Variants in NRG3 observed in about 807,000 individuals in gnomAD.
The protein encoded by NRG3 is neuregulin 3.
NRG3 carries 31 observed loss-of-function variants against 66.9 expected under a neutral mutation model. That is an observed-to-expected ratio of 0.46 (90% CI 0.35 to 0.63). The LOEUF (loss-of-function observed/expected upper bound fraction) is 0.63. Ranked by LOEUF, NRG3 falls within the 20% of genes least tolerant of loss-of-function variation. The probability of loss-of-function intolerance (pLI) is 0.00; values close to 1 mark genes in which losing one functional copy is unlikely to be tolerated. For missense variants in NRG3, 910 were observed against 878.9 expected, an observed-to-expected ratio of 1.04 and a Z score of -0.45; for synonymous variants, 393 against 359.4, an observed-to-expected ratio of 1.09 and a Z score of -1.06.
At chr10:82,731,466 T>C (rs1278637017) in intron 2 of NRG3, among the ~76,000 whole-genome samples, 1 of 152,218 alleles carries the variant, frequency 6.6e-6, no homozygotes, top group African/African-American at 2.4e-5. Context: ...TTCTACTCTC[T>C]GCTTCAGTGA....
At chr10:82,083,724 A>G (rs577539600) in intron 1 of NRG3, among the ~76,000 whole-genome samples, 1 of 150,838 alleles carries the variant, frequency 6.6e-6, no homozygotes, top group South Asian at 2.1e-4. Context: ...CCTCCCGAGT[A>G]GCTGGGATTA....
intron 2 of NRG3, among the ~76,000 whole-genome samples, chr10:82,559,426 G>A (rs1436409633): frequency 6.6e-6 from 1 of 152,186 alleles, no homozygotes; most frequent in Non-Finnish European, 1.5e-5. Flanking sequence ...GGGATTCATT[G>A]AACCAAACTC....
chr10:82,040,178 G>T (rs76301821), intron 1 of NRG3, among the ~76,000 whole-genome samples: 1 of 151,976 alleles, frequency 6.6e-6, no homozygotes, highest in South Asian at 2.1e-4. Flanking sequence ...GGAAACTTAA[G>T]CTTGGAAATT....
chr10:82,109,556 TG>T (rs2067256069), intron 1 of NRG3, among the ~76,000 whole-genome samples: 1 of 130,090 alleles, frequency 7.7e-6, no homozygotes, highest in Admixed American at 7.9e-5. Flanking sequence ...TGTGTGTGTG[TG>T]TGTGTGTGTG....
intron 1 of NRG3, among the ~76,000 whole-genome samples, chr10:82,032,041 A>G (rs2062592895): frequency 6.6e-6 from 1 of 151,862 alleles, no homozygotes; most frequent in African/African-American, 2.4e-5. Flanking sequence ...GTAGAAAGCC[A>G]TGACCCCAGC....
intron 1 of NRG3, among the ~76,000 whole-genome samples, chr10:82,311,634 T>C (rs35610686): frequency 0.044 from 6,731 of 152,248 alleles, 261 homozygotes; most frequent in African/African-American, 0.11. Context: ...GATGAGTAAG[T>C]GTGCTCTTGC....
At chr10:82,882,266 A>G (rs1431079451) in intron 4 of NRG3, among the ~76,000 whole-genome samples, 2 of 152,160 alleles carry the variant, frequency 1.3e-5, no homozygotes, top group Non-Finnish European at 2.9e-5. Flanking sequence ...TTACCCCAAA[A>G]TATTGTGAAA....
chr10:82,699,316 G>A (rs552888487), intron 2 of NRG3, among the ~76,000 whole-genome samples: 2 of 151,450 alleles, frequency 1.3e-5, no homozygotes, highest in East Asian at 3.9e-4. Flanking sequence ...AGGGAGGGAG[G>A]GAAGGAAAGA....
At chr10:82,716,036 T>C (rs982154230) in intron 2 of NRG3, among the ~76,000 whole-genome samples, 1 of 152,122 alleles carries the variant, frequency 6.6e-6, no homozygotes, top group Admixed American at 6.5e-5. Flanking sequence ...CACTGAAAAA[T>C]AGAGTTTCAA....
At chr10:81,971,710 G>A (rs978884536) in intron 1 of NRG3, among the ~76,000 whole-genome samples, 6 of 152,208 alleles carry the variant, frequency 3.9e-5, no homozygotes, top group Admixed American at 2.6e-4. Context: ...GCACAGGGAG[G>A]AGAACCCAGG....
chr10:82,504,565 C>T (rs1330947903), intron 2 of NRG3, among the ~76,000 whole-genome samples: 1 of 152,090 alleles, frequency 6.6e-6, no homozygotes, highest in Non-Finnish European at 1.5e-5. Flanking sequence ...TGCTTCCCAC[C>T]AGTGTACAGA....
At chr10:82,070,987 AATT>A (rs1285197608) in intron 1 of NRG3, among the ~76,000 whole-genome samples, 2 of 152,202 alleles carry the variant, frequency 1.3e-5, no homozygotes, top group African/African-American at 4.8e-5. Flanking sequence ...TGTGCTACAT[AATT>A]ATTTATAATG....
At chr10:82,084,626 A>C (rs551546152) in intron 1 of NRG3, among the ~76,000 whole-genome samples, 1 of 151,884 alleles carries the variant, frequency 6.6e-6, no homozygotes, top group South Asian at 2.1e-4. Flanking sequence ...AGAAGCATGT[A>C]TTCTTGTCAT....
chr10:82,395,207 A>T (rs34388563), intron 2 of NRG3, among the ~76,000 whole-genome samples: 2 of 152,226 alleles, frequency 1.3e-5, no homozygotes, highest in African/African-American at 4.8e-5. Flanking sequence ...CAGCTAGCCC[A>T]CAATTCCCTA....
Position 82,970,495 on chromosome 10 carries a change from T to C in NRG3, c.1285-3293T>C, listed in dbSNP as rs562770544. Among the ~76,000 whole-genome samples, 13 of 152,318 alleles carry C rather than the reference T, an allele frequency of 8.5e-5. No individual in the cohort carries two copies. In the East Asian group the frequency reaches 2.1e-3, roughly 25 times the overall value. ...TCCTCTATTCTGATTACCACCTCTTTATAATGAGTGCAGTTGCACTCTTTG... is the reference window on the plus strand; with the variant it reads ...TCCTCTATTCTGATTACCACCTCTTCATAATGAGTGCAGTTGCACTCTTTG... On this transcript the variant is annotated intron_variant, in intron 6 of 8. Coordinates refer to ENST00000372141, the MANE Select transcript of NRG3 (RefSeq NM_001010848.4).
At chr10:82,806,562 T>A (rs2061293033) in intron 3 of NRG3, among the ~76,000 whole-genome samples, 2 of 152,230 alleles carry the variant, frequency 1.3e-5, no homozygotes, top group African/African-American at 4.8e-5. Flanking sequence ...TGATGATTAG[T>A]TGAGACTTTT....
chr10:82,732,565 T>C (rs1164908794), intron 2 of NRG3, among the ~76,000 whole-genome samples: 1 of 152,226 alleles, frequency 6.6e-6, no homozygotes, highest in Non-Finnish European at 1.5e-5. Context: ...ATACTTAACC[T>C]TTCTCAATCT....
chr10:82,068,303 G>T (rs1054631205), intron 1 of NRG3, among the ~76,000 whole-genome samples: 3 of 152,180 alleles, frequency 2.0e-5, no homozygotes, highest in Non-Finnish European at 4.4e-5. Context: ...GAAGCCTGAT[G>T]ACAGTAGCAT....
intron 3 of NRG3, among the ~76,000 whole-genome samples, chr10:82,856,931 A>C (rs2063842204): frequency 1.3e-5 from 2 of 152,314 alleles, no homozygotes; most frequent in South Asian, 4.1e-4. Flanking sequence ...TAGTGACAGA[A>C]ACAATAGAGA....
Sources: gnomAD v4.1 joint callset for allele counts (sites outside exome capture counted in the v4.1 genomes callset) on GRCh38, gnomAD v4.1.1 for gene constraint, MANE v1.5 for transcripts, NCBI Gene and HGNC (gene_info 2026-07-23, HGNC 2026-07-21) for gene names.